The following TSPAN18 variants were observed in gnomAD, a reference collection of about 807,000 sequenced individuals.
TSPAN18 encodes tetraspanin-18.
Under a neutral mutation model 27.3 loss-of-function variants are expected in TSPAN18, and 14 were observed. The ratio of observed to expected loss-of-function variants is 0.51; its 90% CI spans 0.34 to 0.80. The LOEUF (loss-of-function observed/expected upper bound fraction) is 0.80. Among genes scored for constraint, TSPAN18 ranks in the 30% least tolerant of loss-of-function variants. The pLI is 0.01. For missense variants in TSPAN18, 268 were observed against 323.9 expected (o/e 0.83, Z 1.32); for synonymous variants, 143 against 136.5 (o/e 1.05, Z -0.33).
chr11:44,868,972 C>T (rs1247261153), intron 3 of TSPAN18, among the ~76,000 whole-genome samples: 1 of 152,246 alleles, frequency 6.6e-6, no homozygotes, highest in East Asian at 1.9e-4. Context: ...TAGCCCCAAC[C>T]CACAATCACT....
chr11:44,881,982 C>T (rs1050492393), intron 3 of TSPAN18, among the ~76,000 whole-genome samples: 8 of 152,146 alleles, frequency 5.3e-5, no homozygotes, highest in Non-Finnish European at 1.2e-4. Context: ...GAATGACTTC[C>T]GGCTAAATTC....
chr11:44,804,109 T>C (rs913472546), intron 2 of TSPAN18, among the ~76,000 whole-genome samples: 2 of 152,146 alleles, frequency 1.3e-5, no homozygotes, highest in African/African-American at 4.8e-5. Flanking sequence ...TTTTCTTTTT[T>C]TTTTCCCCCC....
intron 2 of TSPAN18, among the ~76,000 whole-genome samples, chr11:44,809,384 A>G (rs1243979296): frequency 6.6e-6 from 1 of 151,998 alleles, no homozygotes; most frequent in Non-Finnish European, 1.5e-5. Context: ...CACCTGGCAC[A>G]TGGAGACTAT....
At chr11:44,770,322 A>G (rs1160957511) in intron 2 of TSPAN18, among the ~76,000 whole-genome samples, 3 of 152,194 alleles carry the variant, frequency 2.0e-5, no homozygotes, top group African/African-American at 7.2e-5. Context: ...TAGGAGGTAC[A>G]GGGAAGGCCT....
chr11:44,922,421 G>C lies in TSPAN18; in HGVS notation c.615+2422G>C, dbSNP rs116890520. ...GCATGAACCACCATGTCCGGCCCTA[G>C]GATACATTTCTGACTTTGCTGGCAG... On this transcript the variant is annotated intron_variant, in intron 8 of 9. Transcript: ENST00000520358. 9.1e-4 allele frequency among the ~76,000 whole-genome samples: 139 copies of C among 152,112 alleles called. 2 individuals carry two copies. In the East Asian group the frequency reaches 0.026, roughly 28 times the overall value.
chr11:44,829,065 C>A (rs11038169), intron 2 of TSPAN18, among the ~76,000 whole-genome samples: 16,733 of 152,174 alleles, frequency 0.11, 964 homozygotes, highest in Middle Eastern at 0.2. Flanking sequence ...GGTTTACAAA[C>A]AATTCGAAAA....
chr11:44,911,304 G>A (rs1388937217), intron 5 of TSPAN18, among the ~76,000 whole-genome samples: 1 of 152,076 alleles, frequency 6.6e-6, no homozygotes, highest in Non-Finnish European at 1.5e-5. Flanking sequence ...AGCAGTGCTG[G>A]GAGGAGAGAC....
chr11:44,864,099 C>A (rs1453442993), intron 3 of TSPAN18, among the ~76,000 whole-genome samples: 1 of 151,724 alleles, frequency 6.6e-6, no homozygotes, highest in Non-Finnish European at 1.5e-5. Flanking sequence ...GCAGCCTGGC[C>A]AACATAGTGA....
intron 3 of TSPAN18, among the ~76,000 whole-genome samples, chr11:44,874,170 C>G (rs1444663838): frequency 2.6e-5 from 4 of 152,184 alleles, no homozygotes. Context: ...CTTCAATTTC[C>G]TCATCTGTAA....
intron 3 of TSPAN18, among the ~76,000 whole-genome samples, chr11:44,880,980 G>C (rs1478625289): frequency 3.9e-5 from 6 of 152,244 alleles, no homozygotes; most frequent in Non-Finnish European, 4.4e-5. Flanking sequence ...CCTGTAGCAG[G>C]CGTGGGACTC....
chr11:44,726,910 A>AGGGGG (rs1294765719), upstream of TSPAN18: 4 of 15,828 alleles, frequency 2.5e-4, no homozygotes, highest in Non-Finnish European at 3.5e-4. Context: ...AGGGCGGGGG[A>AGGGGG]GGGGAGGGAC....
chr11:44,797,941 G>C (rs1035475469), intron 2 of TSPAN18, among the ~76,000 whole-genome samples: 17 of 152,202 alleles, frequency 1.1e-4, no homozygotes, highest in African/African-American at 3.9e-4. Context: ...CAAGACGCTT[G>C]TTGGGTCAAA....
rs77567773 is a variant in TSPAN18, at chr11:44,860,643, T to C, written c.-11+174T>C. Among the ~76,000 whole-genome samples the C allele has an allele frequency of 8.8e-3, 1,346 of 152,226 alleles. 25 individuals carry two copies. The highest frequency in any genetic ancestry group is 0.031 in the African/African-American group (1,270 of 41,528). ...GCAGGATAGTAAGGGGTGCAGATAG[T>C]GTGAGTGGATCTGAGCCAAGGTTGC... is the stretch of plus-strand genomic sequence containing the variant. On this transcript the variant is annotated intron_variant, in intron 3 of 9. Transcript: ENST00000520358.
chr11:44,920,124 C>A, intron 8 of TSPAN18, 125 bp downstream of exon 8: 2 of 999,686 alleles, frequency 2.0e-6, no homozygotes, highest in Non-Finnish European at 1.4e-6. Context: ...GAAGTGTTGG[C>A]CATGATATGG....
chr11:44,891,364 G>A (rs1443967357), intron 3 of TSPAN18, among the ~76,000 whole-genome samples: 1 of 152,310 alleles, frequency 6.6e-6, no homozygotes, highest in African/African-American at 2.4e-5. Flanking sequence ...CTGACTGAAT[G>A]ATGTGAGGTA....
intron 1 of TSPAN18, among the ~76,000 whole-genome samples, chr11:44,727,647 C>T (rs890551634): frequency 6.6e-6 from 1 of 152,136 alleles, no homozygotes; most frequent in Non-Finnish European, 1.5e-5. Flanking sequence ...TCGGCCAGGG[C>T]TGCGCCCGGA....
chr11:44,781,119 A>G (rs1855928522), intron 2 of TSPAN18, among the ~76,000 whole-genome samples: 1 of 152,198 alleles, frequency 6.6e-6, no homozygotes, highest in East Asian at 1.9e-4. Context: ...CTTATTCATC[A>G]TGTGCCTGCA....
At chr11:44,902,760 T>G (rs1859308640) in intron 3 of TSPAN18, among the ~76,000 whole-genome samples, 1 of 152,022 alleles carries the variant, frequency 6.6e-6, no homozygotes, top group Admixed American at 6.5e-5. Context: ...CAGGAAGACC[T>G]GAGGAGAGAA....
chr11:44,835,539 G>A (rs1188557417), intron 2 of TSPAN18, among the ~76,000 whole-genome samples: 1 of 151,360 alleles, frequency 6.6e-6, no homozygotes, highest in Non-Finnish European at 1.5e-5. Context: ...GACCAGACCT[G>A]ATTTTGCTGA....
Sources: gnomAD v4.1 joint callset for allele counts (sites outside exome capture counted in the v4.1 genomes callset) on GRCh38, gnomAD v4.1.1 for gene constraint, MANE v1.5 for transcripts, NCBI Gene and HGNC (gene_info 2026-07-23, HGNC 2026-07-21) for gene names.